Variants in TBC1D4 observed in about 807,000 individuals in gnomAD.
TBC1D4 encodes the protein TBC1 domain family member 4, also known as TBC (Tre-2, BUB2, CDC16) domain-containing protein.
A neutral mutation model predicts 142.5 loss-of-function variants in TBC1D4; 121 were observed. The ratio of observed to expected loss-of-function variants is 0.85; its 90% CI spans 0.73 to 0.99. The LOEUF is 0.99. TBC1D4 is among the 50% of genes least tolerant of loss of function. The pLI is 0.00. For missense variants in TBC1D4, 1,475 were observed against 1,606.6 expected, an observed-to-expected ratio of 0.92 and a Z score of 1.40; for synonymous variants, 630 against 628.2, an observed-to-expected ratio of 1.00 and a Z score of -0.04.
At chr13:75,442,301 T>C (rs1166106596) in intron 1 of TBC1D4, among the ~76,000 whole-genome samples, 1 of 152,184 alleles carries the variant, frequency 6.6e-6, no homozygotes, top group Non-Finnish European at 1.5e-5. Context: ...ACTAAGTTTT[T>C]TTAAGTGTTC....
At chr13:75,319,006 C>T (rs1164409678) in intron 12 of TBC1D4, among the ~76,000 whole-genome samples, 1 of 152,006 alleles carries the variant, frequency 6.6e-6, no homozygotes, top group Non-Finnish European at 1.5e-5. Flanking sequence ...TAGATTAACT[C>T]TAAAGTAATA....
Position 75,288,952 on chromosome 13 carries a change from G to A in TBC1D4, c.3645C>T (p.Asp1215=). 1 of 1,613,602 alleles carries A rather than the reference G, an allele frequency of 6.2e-7. No individual in the cohort carries two copies. Among genetic ancestry groups the A allele is most frequent in the South Asian group, 1.1e-5 (1 of 91,078 alleles). ...ANSQLKRQNM[D]LLEKLQVAHT... ...TCTTTACCTGTAATTTTTCTAGGAGGTCCATGTTTTGTCTTTTCAGTTGGC... is the reference window on the plus strand; with the variant it reads ...TCTTTACCTGTAATTTTTCTAGGAGATCCATGTTTTGTCTTTTCAGTTGGC... The change falls in exon 20 of 21, where the codon GAC becomes GAT. Residue 1215 remains aspartate (D), a synonymous_variant. Coordinates refer to ENST00000377636, the MANE Select transcript of TBC1D4 (RefSeq NM_014832.5).
At chr13:75,466,669 G>A (rs745599198) in intron 1 of TBC1D4, among the ~76,000 whole-genome samples, 13 of 152,000 alleles carry the variant, frequency 8.6e-5, no homozygotes, top group Non-Finnish European at 1.5e-4. Flanking sequence ...TCAGCAGTTC[G>A]AGACCAGCCT....
intron 1 of TBC1D4, among the ~76,000 whole-genome samples, chr13:75,369,344 C>G (rs1883097338): frequency 1.3e-5 from 2 of 151,864 alleles, no homozygotes; most frequent in Admixed American, 1.3e-4. Flanking sequence ...AAATTTAAAC[C>G]AGGAAGGAGT....
intron 5 of TBC1D4, among the ~76,000 whole-genome samples, chr13:75,344,959 A>G (rs1881028749): frequency 6.6e-6 from 1 of 152,194 alleles, no homozygotes; most frequent in Non-Finnish European, 1.5e-5. Flanking sequence ...TTTGTACCTA[A>G]GCATAAAACA....
chr13:75,436,572 C>T (rs1257459100), intron 1 of TBC1D4, among the ~76,000 whole-genome samples: 1 of 151,888 alleles, frequency 6.6e-6, no homozygotes, highest in African/African-American at 2.4e-5. Flanking sequence ...GGGAGGATCA[C>T]CTGAGCTCAA....
chr13:75,291,025 C>T (rs1566339601), intron 19 of TBC1D4, among the ~76,000 whole-genome samples: 2 of 152,174 alleles, frequency 1.3e-5, no homozygotes, highest in Admixed American at 6.5e-5. Context: ...TAAGCTTGTC[C>T]ACTGCATCTG....
intron 1 of TBC1D4, among the ~76,000 whole-genome samples, chr13:75,461,077 C>G (rs1887946218): frequency 6.6e-6 from 1 of 152,164 alleles, no homozygotes; most frequent in East Asian, 1.9e-4. Context: ...CCATAAATAG[C>G]CAATGTAGTT....
chr13:75,349,105 G>A (rs1232775101), intron 5 of TBC1D4, 65 bp downstream of exon 5: 1 of 1,607,740 alleles, frequency 6.2e-7, no homozygotes, highest in East Asian at 2.2e-5. Flanking sequence ...ATGACAATAG[G>A]GACTTTCTCA....
At chr13:75,308,666 CCT>C (rs1329098714) in intron 14 of TBC1D4, among the ~76,000 whole-genome samples, 1 of 152,032 alleles carries the variant, frequency 6.6e-6, no homozygotes, top group African/African-American at 2.4e-5. Context: ...TTTTTTTCAA[CCT>C]CTTTTTCTGA....
At chr13:75,356,085 A>G (rs1882020554) in intron 4 of TBC1D4, 62 bp downstream of exon 4, 10 of 1,287,402 alleles carry the variant, frequency 7.8e-6, no homozygotes, top group Non-Finnish European at 1.1e-5. Context: ...CTCCTAAGAG[A>G]CAAGTCTTCT....
chr13:75,312,860 C>T lies in TBC1D4; in HGVS notation c.2261G>A (p.Ser754Asn). The stretch of plus-strand genomic sequence containing the variant: ...TCCTCCCACACTTAGGGACTCATTG[C>T]TGCAGGTAGATGAGGTCCTTTTTCT... ...EGRKRTSSTCSNESLSVGGTS... is the reference protein window; with the variant it reads ...EGRKRTSSTCNNESLSVGGTS... The change falls in exon 13 of 21, where the codon AGC (serine) becomes AAC (asparagine). Residue 754 changes from serine to asparagine, a missense_variant. By Grantham distance (46) the Ser-to-Asn change is conservative (BLOSUM62 1). Around this residue, in one of 2 missense-constraint regions of TBC1D4, gnomAD observed 1,227 missense variants for 1,267.7 expected, o/e 0.97. Transcript: ENST00000377636. The T allele has an allele frequency of 6.2e-7, 1 of 1,614,202 alleles. No homozygotes were observed. The highest frequency in any genetic ancestry group is 8.5e-7 in the Non-Finnish European group (1 of 1,180,028).
At chr13:75,438,314 T>C (rs1886883913) in intron 1 of TBC1D4, among the ~76,000 whole-genome samples, 1 of 152,240 alleles carries the variant, frequency 6.6e-6, no homozygotes, top group Non-Finnish European at 1.5e-5. Context: ...GCAATGCTTA[T>C]GTTCAATTTT....
At chr13:75,408,878 A>G (rs1407433858) in intron 1 of TBC1D4, among the ~76,000 whole-genome samples, 1 of 152,134 alleles carries the variant, frequency 6.6e-6, no homozygotes, top group Non-Finnish European at 1.5e-5. Flanking sequence ...TCTTTGGAAA[A>G]ATAACCATTC....
chr13:75,405,199 CA>C (rs1297020816), intron 1 of TBC1D4, among the ~76,000 whole-genome samples: 1 of 148,342 alleles, frequency 6.7e-6, no homozygotes, highest in Non-Finnish European at 1.5e-5. Context: ...ATAATTTTTG[CA>C]AAAAAATGCA....
intron 1 of TBC1D4, among the ~76,000 whole-genome samples, chr13:75,401,095 T>C (rs943855494): frequency 6.6e-6 from 1 of 152,164 alleles, no homozygotes; most frequent in Non-Finnish European, 1.5e-5. Context: ...CTCTCATCCA[T>C]CTCTAATATG....
intron 8 of TBC1D4, 30 bp from the exon 9 acceptor site, chr13:75,327,856 C>T (rs374723669): frequency 1.6e-4 from 253 of 1,610,026 alleles, no homozygotes; most frequent in Middle Eastern, 8.2e-4. Flanking sequence ...TTAAGTGCTT[C>T]GTGTGATTTA....
chr13:75,373,609 G>C (rs1883337979), intron 1 of TBC1D4, among the ~76,000 whole-genome samples: 2 of 152,158 alleles, frequency 1.3e-5, no homozygotes, highest in Admixed American at 6.5e-5. Context: ...CCTCACAGTA[G>C]AGGTCAACTC....
At chr13:75,295,045 T>C (rs369496249) in intron 17 of TBC1D4, 32 bp from the exon 18 acceptor site, 21 of 1,606,908 alleles carry the variant, frequency 1.3e-5, no homozygotes, top group African/African-American at 2.7e-5. Context: ...AAAAAAATAT[T>C]ATGCATTTAT....
Sources: allele counts gnomAD v4.1 joint callset (sites outside exome capture counted in the v4.1 genomes callset), GRCh38; gene constraint gnomAD v4.1.1; regional missense constraint gnomAD v4.1.1; transcripts MANE v1.5; gene names NCBI Gene and HGNC (gene_info 2026-07-23, HGNC 2026-07-21).